ACBD6: variants seen among roughly 807,000 people sequenced by gnomAD.
ACBD6 encodes the protein acyl-CoA binding domain containing 6, also known as acyl-CoA-binding domain-containing protein 6.
Under a neutral mutation model 37.2 loss-of-function variants are expected in ACBD6, and 28 were observed. That is an observed-to-expected ratio of 0.75 (90% confidence interval 0.56 to 1.03). The LOEUF is 1.03. ACBD6 is among the 50% of genes least tolerant of loss of function. The pLI, the probability that ACBD6 is intolerant of heterozygous loss-of-function variation, is 0.00. For synonymous variants in ACBD6, 113 were observed against 126.8 expected (o/e 0.89, Z 0.73); for missense variants, 340 against 337.4 (o/e 1.01, Z -0.06).
chr1:180,271,018 C>T (rs149104133), exon 14 of ACBD6: 2 of 344,842 alleles, frequency 5.8e-6, no homozygotes, highest in Non-Finnish European at 1.1e-5. Context: ...ACCTTCACAG[C>T]TCTGGCAAGA....
At chr1:180,337,822 C>A (rs958112146) in intron 6 of ACBD6, among the ~76,000 whole-genome samples, 4 of 152,156 alleles carry the variant, frequency 2.6e-5, no homozygotes, top group African/African-American at 4.8e-5. Flanking sequence ...GGTACAAAAT[C>A]AATGTGCAAA....
intron 3 of ACBD6, among the ~76,000 whole-genome samples, chr1:180,445,440 C>G (rs1410971806): frequency 1.3e-5 from 2 of 152,174 alleles, no homozygotes; most frequent in Non-Finnish European, 2.9e-5. Flanking sequence ...TGTGCTTATA[C>G]TATCCAACTT....
At chr1:180,432,034 C>T (rs1210794156) in intron 3 of ACBD6, among the ~76,000 whole-genome samples, 1 of 151,866 alleles carries the variant, frequency 6.6e-6, no homozygotes, top group Non-Finnish European at 1.5e-5. Context: ...GGCAAAATAC[C>T]ACCTCTACTA....
At chr1:180,275,205 C>T (rs1558228247) in exon 10 of ACBD6, 1 of 152,106 alleles carries the variant, frequency 6.6e-6, no homozygotes, top group African/African-American at 2.4e-5. Context: ...AGAATATGAA[C>T]CTGTTTTGGT....
At chr1:180,475,147 G>A (rs1650728824) in intron 3 of ACBD6, among the ~76,000 whole-genome samples, 2 of 152,160 alleles carry the variant, frequency 1.3e-5, no homozygotes, top group African/African-American at 4.8e-5. Context: ...TATTTTAACA[G>A]CCTAAATGAA....
intron 3 of ACBD6, among the ~76,000 whole-genome samples, chr1:180,446,463 C>T (rs192353664): frequency 1.3e-5 from 2 of 152,232 alleles, no homozygotes; most frequent in East Asian, 3.9e-4. Context: ...AAGAGGAACA[C>T]TTTTCTGATA....
intron 3 of ACBD6, among the ~76,000 whole-genome samples, chr1:180,468,535 A>C (rs1188589357): frequency 6.6e-6 from 1 of 152,206 alleles, no homozygotes; most frequent in Non-Finnish European, 1.5e-5. Flanking sequence ...TCAGATAAGA[A>C]GTAGTATATA....
At chr1:180,495,416 A>C in intron 2 of ACBD6, 45 bp downstream of exon 2, 6 of 1,399,468 alleles carry the variant, frequency 4.3e-6, no homozygotes, top group Non-Finnish European at 6.0e-6. Flanking sequence ...CTAAACACCT[A>C]AGCCATTTCC....
chr1:180,400,612 G>C (rs1647310909), intron 5 of ACBD6, among the ~76,000 whole-genome samples: 1 of 152,070 alleles, frequency 6.6e-6, no homozygotes. Flanking sequence ...ATATTTAAAT[G>C]AACAAAAACC....
At chr1:180,410,519 C>T (rs1358244335) in intron 5 of ACBD6, among the ~76,000 whole-genome samples, 1 of 152,144 alleles carries the variant, frequency 6.6e-6, no homozygotes, top group South Asian at 2.1e-4. Flanking sequence ...TTCTGAAAAT[C>T]CTAGGGCCCT....
intron 6 of ACBD6, among the ~76,000 whole-genome samples, chr1:180,379,820 C>G (rs995298360): frequency 3.3e-5 from 5 of 152,102 alleles, no homozygotes; most frequent in African/African-American, 4.8e-5. Flanking sequence ...AAAGAGAAAA[C>G]AAAAGGTTAG....
intron 6 of ACBD6, among the ~76,000 whole-genome samples, chr1:180,343,078 T>C (rs1455712465): frequency 1.3e-5 from 2 of 152,058 alleles, no homozygotes; most frequent in Non-Finnish European, 2.9e-5. Flanking sequence ...TAAAATAGGT[T>C]ATATGTTTGA....
At chr1:180,287,578 CT>C (rs72179174), downstream of ACBD6, among the ~76,000 whole-genome samples, 44,848 of 70,956 alleles carry the variant, frequency 0.63, 14,110 homozygotes, top group Middle Eastern at 0.75. Context: ...CAGATCTAAG[CT>C]TTTTTTTTTT....
chr1:180,417,715 T>A (rs774791789), intron 4 of ACBD6, among the ~76,000 whole-genome samples: 4 of 152,126 alleles, frequency 2.6e-5, no homozygotes, highest in Non-Finnish European at 5.9e-5. Context: ...TTTTTCTACA[T>A]CTTTGAGGTT....
intron 6 of ACBD6, among the ~76,000 whole-genome samples, chr1:180,396,774 T>C (rs546919099): frequency 5.7e-4 from 87 of 152,294 alleles, no homozygotes; most frequent in African/African-American, 2.0e-3. Context: ...AAAATAGTTA[T>C]TTTTAAAAAA....
intron 3 of ACBD6, among the ~76,000 whole-genome samples, chr1:180,453,809 A>G (rs559253566): frequency 3.9e-5 from 6 of 152,304 alleles, no homozygotes; most frequent in African/African-American, 1.4e-4. Context: ...TGCTACAAAG[A>G]AATTCCTAGG....
chr1:180,464,445 C>CA (rs1428246925), intron 3 of ACBD6, among the ~76,000 whole-genome samples: 6 of 151,788 alleles, frequency 4.0e-5, no homozygotes, highest in African/African-American at 1.2e-4. Flanking sequence ...ACAACTGTCA[C>CA]AAAAAAATAA....
intron 7 of ACBD6, among the ~76,000 whole-genome samples, chr1:180,310,650 A>G (rs377223175): frequency 7.2e-5 from 11 of 152,302 alleles, no homozygotes; most frequent in African/African-American, 2.6e-4. Context: ...CATTATACAG[A>G]TGTTCAGGAG....
chr1:180,385,967 T>G (rs774576805), intron 6 of ACBD6, among the ~76,000 whole-genome samples: 4 of 152,096 alleles, frequency 2.6e-5, no homozygotes, highest in Non-Finnish European at 4.4e-5. Context: ...GTCAGAAGTT[T>G]GAGGCCAGCC....
Sources: gnomAD v4.1 joint callset for allele counts (sites outside exome capture counted in the v4.1 genomes callset) on GRCh38, gnomAD v4.1.1 for gene constraint, MANE v1.5 for transcripts, NCBI Gene and HGNC (gene_info 2026-07-23, HGNC 2026-07-21) for gene names.